The following SCN10A variants were observed in gnomAD, a reference collection of about 807,000 sequenced individuals.
The protein encoded by SCN10A is sodium voltage-gated channel alpha subunit 10.
SCN10A carries 162 observed loss-of-function variants against 170.7 expected under a neutral mutation model. The observed-to-expected ratio is 0.95, with a 90% CI of 0.84 to 1.08. SCN10A has a LOEUF of 1.08. Ranked by LOEUF, SCN10A falls within the 50% of genes least tolerant of loss-of-function variation. The probability of loss-of-function intolerance (pLI) is 0.00; values close to 1 mark genes in which losing one functional copy is unlikely to be tolerated. For missense variants in SCN10A, 2,527 were observed against 2,436.9 expected, an observed-to-expected ratio of 1.04 and a Z score of -0.78; for synonymous variants, 985 against 904.6, an observed-to-expected ratio of 1.09 and a Z score of -1.59.
intron 14 of SCN10A, among the ~76,000 whole-genome samples, chr3:38,741,893 T>C (rs1040353112): frequency 1.3e-5 from 2 of 152,114 alleles, no homozygotes; most frequent in Non-Finnish European, 2.9e-5. Context: ...AGTAATTACA[T>C]TGGAAGGAAA....
intron 15 of SCN10A, among the ~76,000 whole-genome samples, chr3:38,738,245 T>C (rs1216576056): frequency 6.6e-6 from 1 of 152,102 alleles, no homozygotes; most frequent in Non-Finnish European, 1.5e-5. Context: ...GATGGTCACA[T>C]TGATTTCTAT....
rs200063383 is a variant in SCN10A at position 38,698,526 on chromosome 3, C to G, written c.4694G>C (p.Ser1565Thr). The change falls in exon 28 of 28, where the codon AGT (serine) becomes ACT (threonine). Residue 1565 changes from serine to threonine, a missense_variant. By Grantham distance (58) the Ser-to-Thr change is moderately conservative. Transcript: ENST00000449082. ...TCTGAAGAGCGTTGGGGAGAAGTAACTTTGAAGTGACTTAAGAATTGCAGA... is the reference window on the plus strand; with the variant it reads ...TCTGAAGAGCGTTGGGGAGAAGTAAGTTTGAAGTGACTTAAGAATTGCAGA... Reference protein sequence around the residue: ...IFSAILKSLQSYFSPTLFRVI... With the variant: ...IFSAILKSLQTYFSPTLFRVI... 1 of 1,613,454 alleles carries G rather than the reference C, an allele frequency of 6.2e-7. No individual in the cohort carries two copies. Among genetic ancestry groups the G allele is most frequent in the Non-Finnish European group, 8.5e-7 (1 of 1,179,558 alleles).
intron 6 of SCN10A, among the ~76,000 whole-genome samples, chr3:38,762,800 T>C (rs1163583168): frequency 1.3e-5 from 2 of 152,320 alleles, no homozygotes; most frequent in South Asian, 2.1e-4. Context: ...AGAATGGGTG[T>C]TTCTGTTTAC....
At chr3:38,741,855 C>T (rs866040313) in intron 14 of SCN10A, among the ~76,000 whole-genome samples, 4 of 152,102 alleles carry the variant, frequency 2.6e-5, no homozygotes, top group Admixed American at 6.5e-5. Context: ...CATTGAAAAT[C>T]GTGGCTACTG....
intron 1 of SCN10A, among the ~76,000 whole-genome samples, chr3:38,800,935 AG>A (rs1160821303): frequency 1.3e-5 from 2 of 152,178 alleles, no homozygotes; most frequent in Non-Finnish European, 2.9e-5. Flanking sequence ...GTGATTGAAC[AG>A]ATAACAGGTG....
chr3:38,709,444 C>T, intron 25 of SCN10A, 34 bp downstream of exon 25: 2 of 1,583,146 alleles, frequency 1.3e-6, no homozygotes, highest in Non-Finnish European at 1.7e-6. Context: ...CTTACCACTA[C>T]AGCAGAAACC....
intron 1 of SCN10A, among the ~76,000 whole-genome samples, chr3:38,796,261 CTCTT>C (rs1282757173): frequency 6.6e-6 from 1 of 152,100 alleles, no homozygotes; most frequent in Non-Finnish European, 1.5e-5. Context: ...CATAATTATG[CTCTT>C]TCTATTTCAT....
intron 1 of SCN10A, among the ~76,000 whole-genome samples, chr3:38,810,146 A>C (rs2064431047): frequency 6.6e-6 from 1 of 152,228 alleles, no homozygotes; most frequent in Admixed American, 6.5e-5. Flanking sequence ...AATCTTCTTA[A>C]ACATTAATTA....
At chr3:38,807,279 A>G (rs1211250023) in intron 1 of SCN10A, among the ~76,000 whole-genome samples, 2 of 152,180 alleles carry the variant, frequency 1.3e-5, no homozygotes, top group African/African-American at 2.4e-5. Flanking sequence ...TTAATAACTG[A>G]TTAAGGTTTT....
intron 18 of SCN10A, 56 bp downstream of exon 18, chr3:38,725,118 C>T: frequency 2.0e-6 from 3 of 1,496,580 alleles, no homozygotes; most frequent in Non-Finnish European, 2.7e-6. Flanking sequence ...CTCTACCAGC[C>T]CACTGCTCAG....
At chr3:38,705,039 A>G (rs1193220308) in intron 26 of SCN10A, among the ~76,000 whole-genome samples, 2 of 152,196 alleles carry the variant, frequency 1.3e-5, no homozygotes, top group Non-Finnish European at 2.9e-5. Flanking sequence ...GTGGGTGTCA[A>G]AGATGTTGCC....
chr3:38,754,440 C>G (rs1020462107), intron 11 of SCN10A, among the ~76,000 whole-genome samples: 1 of 152,228 alleles, frequency 6.6e-6, no homozygotes, highest in Non-Finnish European at 1.5e-5. Context: ...CAAGTTACAG[C>G]TCCTCTTTTT....
chr3:38,723,512 G>A lies in SCN10A; in HGVS notation c.3270C>T (p.Asp1090=), dbSNP rs772821624. ...TCAGGATTTCCTCAGGATCTAGGCAGTCCACCGTGCTGCCCTCAGAGGAGC... is the reference window on the plus strand; with the variant it reads ...TCAGGATTTCCTCAGGATCTAGGCAATCCACCGTGCTGCCCTCAGAGGAGC... ...DTSSSEGSTV[D]CLDPEEILRK... The change falls in exon 19 of 28, where the codon GAC becomes GAT. Residue 1090 remains aspartate (D), a synonymous_variant. Coordinates refer to ENST00000449082, the MANE Select transcript of SCN10A (RefSeq NM_006514.4). 9.3e-6 allele frequency: 15 copies of A among 1,611,898 alleles called. No homozygotes were observed. Among genetic ancestry groups the A allele is most frequent in the Non-Finnish European group, 1.2e-5 (14 of 1,178,942 alleles).
At position 38,714,002 on chromosome 3, in the gene SCN10A, C is replaced by G. The variant is rs773155259; in HGVS notation, c.3760G>C (p.Ala1254Pro). The G allele has an allele frequency of 6.2e-7, 1 of 1,614,024 alleles. No individual in the cohort carries two copies. Among genetic ancestry groups the G allele is most frequent in the Admixed American group, 1.7e-5 (1 of 60,028 alleles). ...APIKALRTLR[A>P]LRPLRALSRF... is the part of the protein sequence containing the mutation. ...GAAAGAGCCCGCAGTGGCCGCAGAG[C>G]GCGAAGGGTTCGAAGGGCTTTGATG... is the stretch of plus-strand genomic sequence containing the variant. The change falls in exon 22 of 28, where the codon GCT becomes CCT. Residue 1254 changes from alanine to proline, a missense_variant. By Grantham distance (27) the Ala-to-Pro change is conservative (BLOSUM62 -1). Coordinates refer to ENST00000449082, the MANE Select transcript of SCN10A (RefSeq NM_006514.4).
chr3:38,780,447 C>A (rs950426368), intron 4 of SCN10A, among the ~76,000 whole-genome samples: 12 of 151,820 alleles, frequency 7.9e-5, no homozygotes, highest in African/African-American at 2.9e-4. Context: ...GAGTAAAATC[C>A]ATTTATATTT....
intron 5 of SCN10A, among the ~76,000 whole-genome samples, chr3:38,766,414 T>C (rs536134669): frequency 7.2e-5 from 11 of 152,202 alleles, no homozygotes; most frequent in Non-Finnish European, 1.6e-4. Flanking sequence ...GTCCCTTCTA[T>C]GCCAATTTGG....
rs1275162885 is a variant in SCN10A at position 38,697,357 on chromosome 3, CA to C, written c.5862del (p.Ter1957SerfsTer20). 1.9e-6 allele frequency: 3 copies of C among 1,613,570 alleles called. No homozygotes were observed. The highest frequency in any genetic ancestry group is 2.5e-6 in the Non-Finnish European group (3 of 1,179,634). ...AGGCTGGAGTGTTCTCACTAGGGCC[CA>C]GGGGCAATCAGCTCCATACTGGTGG... is the stretch of plus-strand genomic sequence containing the variant. ...DEATSMELIA[P>X]GP On this transcript the variant is annotated frameshift_variant, in exon 28 of 28. Transcript: ENST00000449082. LOFTEE classifies it high-confidence loss of function.
intron 18 of SCN10A, 120 bp downstream of exon 18, chr3:38,725,054 G>T: frequency 2.3e-6 from 2 of 875,970 alleles, no homozygotes; most frequent in Non-Finnish European, 3.3e-6. Context: ...AAGAAATGAG[G>T]TTATGTGATT....
At position 38,769,103 on chromosome 3, in the gene SCN10A, G is replaced by A. The variant is rs565433973; in HGVS notation, c.599+2176C>T. ...AGTGAGTCTTCCATTTCCAGAAGTT[G>A]TGATTGTTTTTTCTTTATATCTATT... is the stretch of plus-strand genomic sequence containing the variant. On this transcript the variant is annotated intron_variant, in intron 5 of 27. Coordinates refer to ENST00000449082, the MANE Select transcript of SCN10A (RefSeq NM_006514.4). 1.8e-4 allele frequency among the ~76,000 whole-genome samples: 27 copies of A among 152,058 alleles called. 1 individual carries two copies. In the South Asian group the frequency reaches 4.8e-3, roughly 27 times the overall value.
Sources: allele counts gnomAD v4.1 joint callset (sites outside exome capture counted in the v4.1 genomes callset), GRCh38; gene constraint gnomAD v4.1.1; transcripts MANE v1.5; gene names NCBI Gene and HGNC (gene_info 2026-07-23, HGNC 2026-07-21).